GHR: variants seen among roughly 807,000 people sequenced by gnomAD.
The protein encoded by GHR is growth hormone receptor, also known as GH receptor.
Under a neutral mutation model 67.1 loss-of-function variants are expected in GHR, and 35 were observed. That is an observed-to-expected ratio of 0.52 (90% CI 0.40 to 0.69). GHR has a LOEUF of 0.69. GHR is among the 30% of genes least tolerant of loss of function. GHR has a pLI of 0.00. For synonymous variants in GHR, 272 were observed against 269.1 expected (o/e 1.01, Z -0.10); for missense variants, 792 against 764.6 (o/e 1.04, Z -0.42).
At chr5:42,467,419 A>G (rs1333647902) in intron 1 of GHR, 22 of 930,832 alleles carry the variant, frequency 2.4e-5, no homozygotes, top group Non-Finnish European at 3.5e-5. Context: ...CTGGTGGACA[A>G]TATGGTTTGA....
At chr5:42,488,609 C>G (rs1373593999) in intron 1 of GHR, among the ~76,000 whole-genome samples, 5 of 152,096 alleles carry the variant, frequency 3.3e-5, no homozygotes, top group African/African-American at 9.7e-5. Context: ...AACTCTTTAG[C>G]ATATGTATTA....
chr5:42,559,593 A>G lies in GHR; in HGVS notation c.-11-6271A>G, dbSNP rs535461347. On this transcript the variant is annotated intron_variant, in intron 1 of 9. Coordinates refer to ENST00000230882, the MANE Select transcript of GHR (RefSeq NM_000163.5). ...ATAATATAACAAATAAATAAATAAA[A>G]TTGGAGGCCTACTATATATACAACT... Among the ~76,000 whole-genome samples, 177 of 152,186 alleles carry G rather than the reference A, an allele frequency of 1.2e-3. 2 individuals are homozygous for G. Among genetic ancestry groups the G allele is most frequent in the Middle Eastern group, 3.4e-3 (1 of 294 alleles).
chr5:42,476,039 G>A lies in GHR; in HGVS notation c.-12+52084G>A, dbSNP rs557849438. On this transcript the variant is annotated intron_variant, in intron 1 of 9. Transcript: ENST00000230882. The stretch of plus-strand genomic sequence containing the variant: ...CCTGCCTCAGCCTCCCGAGTAGCTG[G>A]AACTACAGGCGCCAACCACCATGCC... Among the ~76,000 whole-genome samples, 3 of 151,958 alleles carry A rather than the reference G, an allele frequency of 2.0e-5. No homozygotes were observed. The East Asian group carries it at 5.8e-4, about 29-fold the overall frequency.
chr5:42,717,832 G>T (rs1758793121), intron 8 of GHR, among the ~76,000 whole-genome samples: 1 of 150,570 alleles, frequency 6.6e-6, no homozygotes, highest in Non-Finnish European at 1.5e-5. Context: ...TTCAGATGAG[G>T]CTTTTTGGGT....
At chr5:42,644,238 A>G (rs1754620753) in intron 3 of GHR, among the ~76,000 whole-genome samples, 1 of 152,288 alleles carries the variant, frequency 6.6e-6, no homozygotes, top group East Asian at 1.9e-4. Flanking sequence ...ATAAATCTTG[A>G]TAATTGTTGA....
At chr5:42,590,565 A>G (rs1237878001) in intron 2 of GHR, among the ~76,000 whole-genome samples, 1 of 152,226 alleles carries the variant, frequency 6.6e-6, no homozygotes, top group Non-Finnish European at 1.5e-5. Context: ...GCAACCACAG[A>G]TCATTCAGTT....
At chr5:42,427,028 T>C (rs1742882751) in intron 1 of GHR, among the ~76,000 whole-genome samples, 1 of 152,258 alleles carries the variant, frequency 6.6e-6, no homozygotes, top group Admixed American at 6.5e-5. Context: ...CTTCAGCAGC[T>C]GACCACAATG....
intron 6 of GHR, among the ~76,000 whole-genome samples, chr5:42,707,611 G>A (rs1020316544): frequency 2.7e-4 from 41 of 151,854 alleles, no homozygotes; most frequent in African/African-American, 7.2e-4. Flanking sequence ...TTCCATTTGC[G>A]TTATCTGTCA....
At chr5:42,588,252 G>T (rs1379105762) in intron 2 of GHR, among the ~76,000 whole-genome samples, 1 of 152,052 alleles carries the variant, frequency 6.6e-6, no homozygotes, top group Non-Finnish European at 1.5e-5. Flanking sequence ...GGGAGCTGTG[G>T]TTCATGCCTG....
chr5:42,602,418 A>G (rs1165963066), intron 2 of GHR, among the ~76,000 whole-genome samples: 2 of 152,130 alleles, frequency 1.3e-5, no homozygotes, highest in Non-Finnish European at 2.9e-5. Flanking sequence ...ATCTAAACTG[A>G]GTTTCTTGTG....
At chr5:42,531,832 G>A (rs1054718139) in intron 1 of GHR, among the ~76,000 whole-genome samples, 13 of 152,058 alleles carry the variant, frequency 8.5e-5, no homozygotes, top group Admixed American at 2.0e-4. Context: ...TCCATGGTAC[G>A]GCTCACCAAA....
In GHR at chr5:42,628,161, G is replaced by T. The variant is rs964287415; in HGVS notation, c.71-877G>T. Reference sequence around the variant, plus strand: ...TGCTGGTCAGCTGGCTTGCTGGTGTGCTGGTCTGTTGGTCTGCTGGTCTGC... The same window carrying T: ...TGCTGGTCAGCTGGCTTGCTGGTGTTCTGGTCTGTTGGTCTGCTGGTCTGC... On this transcript the variant is annotated intron_variant, in intron 2 of 9. Transcript: ENST00000230882. Among the ~76,000 whole-genome samples, 55 of 152,174 alleles carry T rather than the reference G, an allele frequency of 3.6e-4. 1 individual carries two copies. Among genetic ancestry groups the T allele is most frequent in the African/African-American group, 1.3e-3 (55 of 41,444 alleles).
chr5:42,552,410 T>C (rs1749080602), intron 1 of GHR, among the ~76,000 whole-genome samples: 1 of 152,226 alleles, frequency 6.6e-6, no homozygotes, highest in African/African-American at 2.4e-5. Context: ...TATTTTTAAG[T>C]TTCCTGGTTT....
At chr5:42,536,724 G>A (rs902296296) in intron 1 of GHR, among the ~76,000 whole-genome samples, 1 of 152,100 alleles carries the variant, frequency 6.6e-6, no homozygotes, top group African/African-American at 2.4e-5. Context: ...TTGTGGAATA[G>A]CATCAAAAGG....
At position 42,649,461 on chromosome 5, in the gene GHR, G is replaced by T. The variant is rs140541640; in HGVS notation, c.136+20358G>T. Among the ~76,000 whole-genome samples, 51 of 152,070 alleles carry T rather than the reference G, an allele frequency of 3.4e-4. 5 individuals carry two copies. The highest frequency in any genetic ancestry group is 1.2e-3 in the African/African-American group (48 of 41,498). On this transcript the variant is annotated intron_variant, in intron 3 of 9. Coordinates refer to ENST00000230882, the MANE Select transcript of GHR (RefSeq NM_000163.5). ...AAACAAAATACCTTAATGAATTTGA[G>T]AAAAATAAACTGAAGATAAATATTA...
chr5:42,710,046 TA>T (rs60038212), intron 6 of GHR, among the ~76,000 whole-genome samples: 11,214 of 148,770 alleles, frequency 0.075, 628 homozygotes, highest in South Asian at 0.21. Flanking sequence ...ACATAGGCTT[TA>T]AAAAAAAAAC....
chr5:42,499,650 G>T (rs1252685927), intron 1 of GHR, among the ~76,000 whole-genome samples: 1 of 152,138 alleles, frequency 6.6e-6, no homozygotes, highest in Admixed American at 6.6e-5. Context: ...AAAGAAAACT[G>T]AATCCCCCTT....
At chr5:42,566,433 A>G (rs1749942170) in intron 2 of GHR, among the ~76,000 whole-genome samples, 1 of 152,240 alleles carries the variant, frequency 6.6e-6, no homozygotes. Flanking sequence ...CATTTGGCTA[A>G]GTTGAGGAAA....
intron 3 of GHR, chr5:42,659,357 G>C (rs554737825): frequency 1.8e-4 from 27 of 152,106 alleles, no homozygotes; most frequent in Non-Finnish European, 3.4e-4. Context: ...AAAGCAGGAT[G>C]GGTGTGTTTT....
Sources: allele counts gnomAD v4.1 joint callset (sites outside exome capture counted in the v4.1 genomes callset), GRCh38; gene constraint gnomAD v4.1.1; transcripts MANE v1.5; gene names NCBI Gene and HGNC (gene_info 2026-07-23, HGNC 2026-07-21).